PTPRK: variants seen among roughly 807,000 people sequenced by gnomAD.
PTPRK encodes protein tyrosine phosphatase receptor type K.
Under a neutral mutation model 178.0 loss-of-function variants are expected in PTPRK, and 75 were observed. The observed-to-expected ratio is 0.42, with a 90% confidence interval of 0.35 to 0.51. PTPRK has a LOEUF of 0.51. Ranked by LOEUF, PTPRK falls within the 20% of genes least tolerant of loss-of-function variation. The pLI, the probability that PTPRK is intolerant of heterozygous loss-of-function variation, is 0.02. For missense variants in PTPRK, 1,441 were observed against 1,797.8 expected (o/e 0.80, Z 3.59); for synonymous variants, 637 against 620.6 (o/e 1.03, Z -0.39).
At chr6:128,007,542 C>T (rs1447249335) in intron 14 of PTPRK, among the ~76,000 whole-genome samples, 5 of 150,848 alleles carry the variant, frequency 3.3e-5, no homozygotes, top group African/African-American at 1.2e-4. Context: ...AGCATTTTAC[C>T]TTCCCCCAAA....
At chr6:128,345,086 G>A (rs955113075) in intron 2 of PTPRK, among the ~76,000 whole-genome samples, 9 of 149,518 alleles carry the variant, frequency 6.0e-5, no homozygotes, top group African/African-American at 2.2e-4. Flanking sequence ...TAACTACTAT[G>A]TGATGTAGGA....
At chr6:128,307,043 G>A (rs1457363146) in intron 3 of PTPRK, among the ~76,000 whole-genome samples, 2 of 151,618 alleles carry the variant, frequency 1.3e-5, no homozygotes, top group African/African-American at 2.4e-5. Context: ...GATGTAGGGG[G>A]AGTAAGAAAG....
At chr6:128,238,185 C>CAAAAAAAAAA (rs58051125) in intron 5 of PTPRK, 39 of 206,472 alleles carry the variant, frequency 1.9e-4, no homozygotes, top group Middle Eastern at 1.5e-3. Flanking sequence ...TAGCAAACGC[C>CAAAAAAAAAA]AAAAAAAAAA....
At chr6:128,305,172 T>C (rs1281009633) in intron 3 of PTPRK, among the ~76,000 whole-genome samples, 1 of 152,232 alleles carries the variant, frequency 6.6e-6, no homozygotes, top group Non-Finnish European at 1.5e-5. Flanking sequence ...AAAGTCATCA[T>C]TTTATTGGCT....
intron 3 of PTPRK, among the ~76,000 whole-genome samples, chr6:128,316,649 A>G (rs1270415444): frequency 6.6e-6 from 1 of 152,138 alleles, no homozygotes; most frequent in Non-Finnish European, 1.5e-5. Flanking sequence ...ACATTTTGTA[A>G]TAAAAGCAAA....
In PTPRK at chr6:127,973,062, T is replaced by C; in HGVS notation, c.4229A>G (p.Lys1410Arg). 2 of 1,614,122 alleles carry C rather than the reference T, an allele frequency of 1.2e-6. No homozygotes were observed. Among genetic ancestry groups the C allele is most frequent in the Non-Finnish European group, 1.7e-6 (2 of 1,179,974 alleles). ...GTTTGGCTTGCTGTTCCTCAGTGTC[T>C]TTACTGCATGGAAAACATCGACAAC... ...QNVVDVFHAVKTLRNSKPNMV... is the reference protein window; with the variant it reads ...QNVVDVFHAVRTLRNSKPNMV... Residue 1410 changes from lysine (K) to arginine (R), a missense_variant, in exon 29 of 30, where the codon AAG becomes AGG. Physicochemically the swap from Lys to Arg is conservative, Grantham distance 26. Transcript: ENST00000368226.
intron 29 of PTPRK, among the ~76,000 whole-genome samples, chr6:127,970,751 A>G (rs1562359581): frequency 2.0e-5 from 3 of 152,122 alleles, no homozygotes; most frequent in African/African-American, 7.2e-5. Context: ...AACTATGTAT[A>G]TTTCAAAATA....
chr6:128,330,947 C>T (rs1830196422), intron 2 of PTPRK, among the ~76,000 whole-genome samples: 2 of 152,118 alleles, frequency 1.3e-5, no homozygotes, highest in South Asian at 4.1e-4. Context: ...ATGCACTGGA[C>T]CTTCCTCTGT....
intron 3 of PTPRK, among the ~76,000 whole-genome samples, chr6:128,292,896 C>T (rs947743616): frequency 2.6e-5 from 4 of 151,602 alleles, no homozygotes; most frequent in Non-Finnish European, 5.9e-5. Flanking sequence ...AAATGAATGC[C>T]TATCTTGCAA....
chr6:128,382,857 T>A (rs1005023530), intron 2 of PTPRK, among the ~76,000 whole-genome samples: 2 of 152,194 alleles, frequency 1.3e-5, no homozygotes, highest in African/African-American at 4.8e-5. Flanking sequence ...ATTTGAAATT[T>A]CAAAACAACT....
chr6:128,499,919 T>C (rs1172023069), intron 1 of PTPRK, among the ~76,000 whole-genome samples: 1 of 152,224 alleles, frequency 6.6e-6, no homozygotes, highest in Non-Finnish European at 1.5e-5. Context: ...AATGGGTGGT[T>C]ACATACAATT....
At chr6:128,013,851 A>G (rs1302023008) in intron 13 of PTPRK, among the ~76,000 whole-genome samples, 1 of 151,458 alleles carries the variant, frequency 6.6e-6, no homozygotes, top group Non-Finnish European at 1.5e-5. Context: ...CTCTGAATAT[A>G]CTGTCTGCCT....
chr6:128,470,889 C>A (rs1850559025), intron 1 of PTPRK, among the ~76,000 whole-genome samples: 3 of 148,692 alleles, frequency 2.0e-5, no homozygotes. Flanking sequence ...TGCATTTAAC[C>A]ATGTAGTGAA....
chr6:128,047,198 T>G (rs1310034468), intron 13 of PTPRK, among the ~76,000 whole-genome samples: 5 of 152,158 alleles, frequency 3.3e-5, no homozygotes, highest in Non-Finnish European at 7.4e-5. Flanking sequence ...TTGTAACAAG[T>G]GATTGTTTCT....
chr6:128,415,853 T>A (rs554748682), intron 1 of PTPRK, among the ~76,000 whole-genome samples: 2 of 151,752 alleles, frequency 1.3e-5, no homozygotes, highest in African/African-American at 4.8e-5. Context: ...ACTGAAAATT[T>A]AAAAAAAAAT....
chr6:128,436,237 T>C (rs1845582384), intron 1 of PTPRK, among the ~76,000 whole-genome samples: 1 of 152,152 alleles, frequency 6.6e-6, no homozygotes, highest in South Asian at 2.1e-4. Context: ...TAAATATTTG[T>C]ATTAAGATTG....
intron 5 of PTPRK, among the ~76,000 whole-genome samples, chr6:128,227,279 A>G (rs991918194): frequency 6.6e-6 from 1 of 152,186 alleles, no homozygotes; most frequent in Non-Finnish European, 1.5e-5. Flanking sequence ...CAATTTATAG[A>G]GTGAGAGGGA....
At chr6:128,125,396 C>T (rs1454618101) in intron 7 of PTPRK, among the ~76,000 whole-genome samples, 3 of 152,040 alleles carry the variant, frequency 2.0e-5, no homozygotes, top group Admixed American at 2.0e-4. Flanking sequence ...CCTGCTCCTG[C>T]CATGTAAGAC....
intron 7 of PTPRK, among the ~76,000 whole-genome samples, chr6:128,114,278 C>T (rs749917069): frequency 4.0e-5 from 6 of 151,856 alleles, no homozygotes; most frequent in South Asian, 2.1e-4. Context: ...TATTACATGA[C>T]GGCAGGAGAG....
Sources: gnomAD v4.1 joint callset for allele counts (sites outside exome capture counted in the v4.1 genomes callset) on GRCh38, gnomAD v4.1.1 for gene constraint, MANE v1.5 for transcripts, NCBI Gene and HGNC (gene_info 2026-07-23, HGNC 2026-07-21) for gene names.